Variants in USP6 observed in about 807,000 individuals in gnomAD.
The protein encoded by USP6 is ubiquitin specific peptidase 6, also known as ubiquitin carboxyl-terminal hydrolase 6.
USP6 carries 128 observed loss-of-function variants against 175.7 expected under a neutral mutation model. The ratio of observed to expected loss-of-function variants is 0.73; its 90% CI spans 0.63 to 0.84. The LOEUF (loss-of-function observed/expected upper bound fraction) is 0.84, where lower values mean the gene tolerates loss of function less well. Ranked by LOEUF, USP6 falls within the 40% of genes least tolerant of loss-of-function variation. The probability of loss-of-function intolerance (pLI) is 0.00; values close to 1 mark genes in which losing one functional copy is unlikely to be tolerated. For missense variants in USP6, 1,498 were observed against 1,760.3 expected (o/e 0.85, Z 2.67); for synonymous variants, 562 against 630.6 (o/e 0.89, Z 1.63).
rs1273639232 is a variant in USP6, at chr17:5,132,358, C to T, written c.156-38C>T. 6.2e-7 allele frequency: 1 copy of T among 1,612,192 alleles called. No homozygotes were observed. Among genetic ancestry groups the T allele is most frequent in the South Asian group, 1.1e-5 (1 of 91,002 alleles). On this transcript the variant is annotated intron_variant, in intron 11 of 37. Coordinates refer to ENST00000574788, the MANE Select transcript of USP6 (RefSeq NM_001304284.2). The surrounding 1 kb of genome is among the most constrained non-coding windows in gnomAD (Gnocchi z 4.7). ...TCCCAGGCTTGGGCGGCTCCAGGCC[C>T]TGTGCACGTCCTCAGCTCTGCCTGG...
At chr17:5,136,994 A>G in intron 18 of USP6, 127 bp from the exon 19 acceptor site, 4 of 1,196,512 alleles carry the variant, frequency 3.3e-6, no homozygotes, top group South Asian at 1.2e-5. Context: ...GGAAGGGGAC[A>G]GTGTTGTGGG....
At chr17:5,138,068 G>C (rs1234213973) in intron 20 of USP6, 53 bp from the exon 21 acceptor site, 11 of 1,613,006 alleles carry the variant, frequency 6.8e-6, no homozygotes, top group Non-Finnish European at 9.3e-6. Flanking sequence ...CAGGGTATGA[G>C]CTGTGACCAT....
rs1159372324 is a variant in USP6 at position 5,174,213 on chromosome 17, G to A, written c.*1235G>A. 1 of 191,158 alleles carries A rather than the reference G, an allele frequency of 5.2e-6. No individual in the cohort carries two copies. The highest frequency in any genetic ancestry group is 2.3e-5 in the African/African-American group (1 of 42,976). 11.8% of individuals were successfully genotyped at this position (191,158 alleles called of 1,614,324 possible). On this transcript the variant is annotated 3_prime_UTR_variant, in exon 38 of 38. Transcript: ENST00000574788. ...CTAATTATTTAAGATTGGAACAAAAGTATAAATATTATTTATTTGAGGTAG... is the reference window on the plus strand; with the variant it reads ...CTAATTATTTAAGATTGGAACAAAAATATAAATATTATTTATTTGAGGTAG...
At chr17:5,145,318 A>T in intron 26 of USP6, 87 bp from the exon 27 acceptor site, 1 of 1,425,220 alleles carries the variant, frequency 7.0e-7, no homozygotes, top group Non-Finnish European at 9.3e-7. Context: ...TTTTAAATCC[A>T]ATATATTTAA....
chr17:5,120,937 A>T (rs181474446), intron 3 of USP6, 149 bp downstream of exon 3: 68 of 454,512 alleles, frequency 1.5e-4, no homozygotes, highest in African/African-American at 1.3e-3. Context: ...TTCGATGTAA[A>T]ATGTGAGGCT....
rs567158008 is a variant in USP6, at chr17:5,134,021, C to T, written c.494+25C>T. Reference sequence around the variant, plus strand: ...AGTAAGCCTACGGGAGCCACACAGTCCCAGCAGAGATGGGGTGAACGAGAG... The same window carrying T: ...AGTAAGCCTACGGGAGCCACACAGTTCCAGCAGAGATGGGGTGAACGAGAG... On this transcript the variant is annotated intron_variant, in intron 15 of 37. Coordinates refer to ENST00000574788, the MANE Select transcript of USP6 (RefSeq NM_001304284.2). 9 of 1,605,934 alleles carry T rather than the reference C, an allele frequency of 5.6e-6. No homozygotes were observed. The South Asian group carries it at 9.9e-5, about 18-fold the overall frequency.
At chr17:5,162,360 C>T (rs2074020941) in intron 32 of USP6, among the ~76,000 whole-genome samples, 1 of 152,158 alleles carries the variant, frequency 6.6e-6, no homozygotes, top group African/African-American at 2.4e-5. Context: ...CCATGTTAAA[C>T]TGGTCTCGAA....
intron 25 of USP6, among the ~76,000 whole-genome samples, chr17:5,143,165 G>A (rs887186883): frequency 9.2e-5 from 14 of 152,254 alleles, no homozygotes; most frequent in Non-Finnish European, 1.5e-4. Context: ...CAGCCGCCCC[G>A]TCCGGGAGGT....
At chr17:5,139,816 C>G in intron 22 of USP6, 142 bp downstream of exon 22, 1 of 1,594,562 alleles carries the variant, frequency 6.3e-7, no homozygotes, top group East Asian at 2.2e-5. Flanking sequence ...CAGGGCCTTG[C>G]CTCTGCCACC....
intron 15 of USP6, 104 bp from the exon 16 acceptor site, chr17:5,135,130 T>G: frequency 3.1e-6 from 4 of 1,311,072 alleles, no homozygotes; most frequent in Non-Finnish European, 4.4e-6. Flanking sequence ...GCTTATCTGG[T>G]GAATCATCTG....
At chr17:5,135,109 A>G in intron 15 of USP6, 125 bp from the exon 16 acceptor site, 1 of 1,086,496 alleles carries the variant, frequency 9.2e-7, no homozygotes, top group Non-Finnish European at 1.4e-6. Flanking sequence ...TCAGGCCCTG[A>G]AGAGCTCACT....
intron 6 of USP6, among the ~76,000 whole-genome samples, chr17:5,126,459 G>A (rs897052625): frequency 6.6e-6 from 1 of 152,164 alleles, no homozygotes; most frequent in African/African-American, 2.4e-5. Flanking sequence ...CTAAGCAGCA[G>A]GCAGAAGACT....
At chr17:5,128,219 G>A (rs1033647857) in intron 7 of USP6, among the ~76,000 whole-genome samples, 2 of 152,198 alleles carry the variant, frequency 1.3e-5, no homozygotes, top group African/African-American at 4.8e-5. Flanking sequence ...GGACAGCTGA[G>A]CCAGGTTTTA....
At position 5,120,804 on chromosome 17, in the gene USP6, T is replaced by TA. The variant is rs770905979; in HGVS notation, c.-1675+18dup. 1.4e-4 allele frequency: 63 copies of TA among 451,036 alleles called. No homozygotes were observed. The highest frequency in any genetic ancestry group is 2.7e-4 in the Non-Finnish European group (61 of 224,902). The allele number at this position is 451,036 out of a possible 1,614,324, so 27.9% of individuals were successfully genotyped here. On this transcript the variant is annotated intron_variant, in intron 3 of 37. Transcript: ENST00000574788. ...CTTCAGCATGGTGGGTGGCCATATG[T>TA]AAGCAGGTGTGCACACATGTGGGCA...
Position 5,134,787 on chromosome 17 carries a change from G to T in USP6, c.495-447G>T, listed in dbSNP as rs181793514. On this transcript the variant is annotated intron_variant, in intron 15 of 37. Transcript: ENST00000574788. ...CCATTCCTAGGCCATTCTGGAAAAG[G>T]CCAAACCATAGGGACTGAGCAGCAG... is the stretch of plus-strand genomic sequence containing the variant. 4.3e-4 allele frequency: 102 copies of T among 239,840 alleles called. No homozygotes were observed. The East Asian group carries it at 0.011, about 26-fold the overall frequency. 14.9% of individuals were successfully genotyped at this position (239,840 alleles called of 1,614,324 possible).
In USP6 at chr17:5,137,706, A is replaced by G; in HGVS notation, c.881A>G (p.Gln294Arg). 1.2e-6 allele frequency: 2 copies of G among 1,608,984 alleles called. No homozygotes were observed. The highest frequency in any genetic ancestry group is 1.7e-6 in the Non-Finnish European group (2 of 1,176,500). ...LWDVYLVEGE[Q>R]VLMPITSIAL... ...GACGTGTATTTGGTGGAAGGAGAAC[A>G]GGTGTTGATGCCAATAACCAGCATT... is the stretch of plus-strand genomic sequence containing the variant. Residue 294 changes from glutamine to arginine, a missense_variant, in exon 20 of 38, where the codon CAG becomes CGG. Around this residue, in one of 2 missense-constraint regions of USP6, gnomAD observed 1,217 missense variants for 1,500.8 expected, o/e 0.81. Transcript: ENST00000574788.
At chr17:5,130,714 C>G in intron 11 of USP6, 30 bp downstream of exon 11, 2 of 1,612,002 alleles carry the variant, frequency 1.2e-6, no homozygotes, top group South Asian at 1.1e-5. Flanking sequence ...CCCCTCACCC[C>G]TAAAGCAGCT....
intron 29 of USP6, 22 bp from the exon 30 acceptor site, chr17:5,148,534 G>A (rs767230454): frequency 6.2e-7 from 1 of 1,612,780 alleles, no homozygotes; most frequent in Admixed American, 1.7e-5. Context: ...TTATGATGCT[G>A]TACTTATCTT....
chr17:5,173,286 G>A lies in USP6; in HGVS notation c.*308G>A. 3.0e-6 allele frequency: 1 copy of A among 335,678 alleles called. No homozygotes were observed. Among genetic ancestry groups the A allele is most frequent in the South Asian group, 5.5e-5 (1 of 18,046 alleles). 20.8% of individuals were successfully genotyped at this position (335,678 alleles called of 1,614,324 possible). On this transcript the variant is annotated 3_prime_UTR_variant, in exon 38 of 38. Coordinates refer to ENST00000574788, the MANE Select transcript of USP6 (RefSeq NM_001304284.2). ...TTGTCCAGATATGAACAAATATGTA[G>A]TGAGTATAGAGTTTACCAATAATCA... is the stretch of plus-strand genomic sequence containing the variant.
Sources: gnomAD v4.1 joint callset for allele counts (sites outside exome capture counted in the v4.1 genomes callset) on GRCh38, gnomAD v4.1.1 for gene constraint, gnomAD v4.1.1 regional missense constraint, Gnocchi (gnomAD v3.1) non-coding constraint, MANE v1.5 for transcripts, NCBI Gene and HGNC (gene_info 2026-07-23, HGNC 2026-07-21) for gene names.